Variants in GRIK4 observed in about 807,000 individuals in gnomAD.
The protein encoded by GRIK4 is glutamate receptor ionotropic, kainate 4.
A neutral mutation model predicts 104.9 loss-of-function variants in GRIK4; 40 were observed. The observed-to-expected ratio is 0.38, with a 90% CI of 0.30 to 0.50. The LOEUF (loss-of-function observed/expected upper bound fraction) is 0.50. Ranked by LOEUF, GRIK4 falls within the 20% of genes least tolerant of loss-of-function variation. The probability of loss-of-function intolerance (pLI) is 0.93; values close to 1 mark genes in which losing one functional copy is unlikely to be tolerated. For synonymous variants in GRIK4, 485 were observed against 524.9 expected (o/e 0.92, Z 1.04); for missense variants, 1,047 against 1,308.1 (o/e 0.80, Z 3.08).
chr11:120,619,902 A>C, intron 1 of GRIK4: 1 of 276,100 alleles, frequency 3.6e-6, no homozygotes, highest in Non-Finnish European at 6.8e-6. Flanking sequence ...TACTGAAAAG[A>C]GTTAACAGTG....
chr11:120,651,536 G>A (rs560748015), intron 1 of GRIK4, among the ~76,000 whole-genome samples: 2 of 152,290 alleles, frequency 1.3e-5, no homozygotes, highest in South Asian at 4.1e-4. Flanking sequence ...CTGTAGTCCT[G>A]TGGCCTGGTT....
At chr11:120,516,427 G>T (rs1196372789) in intron 1 of GRIK4, among the ~76,000 whole-genome samples, 1 of 152,114 alleles carries the variant, frequency 6.6e-6, no homozygotes, top group Middle Eastern at 3.2e-3. Flanking sequence ...ACAGGACGAG[G>T]CAAGTGGGAG....
intron 7 of GRIK4, among the ~76,000 whole-genome samples, chr11:120,833,350 C>G (rs1231902857): frequency 6.6e-6 from 1 of 152,080 alleles, no homozygotes; most frequent in African/African-American, 2.4e-5. Context: ...TCCTTTTCCT[C>G]TGTTTTCTCT....
At chr11:120,660,497 A>G in intron 3 of GRIK4, 97 bp downstream of exon 3, 1 of 908,616 alleles carries the variant, frequency 1.1e-6, no homozygotes, top group Non-Finnish European at 1.7e-6. Context: ...GAAGCTGCCC[A>G]GCCCGTGCAC....
At chr11:120,614,988 G>C (rs966348972) in intron 1 of GRIK4, among the ~76,000 whole-genome samples, 1 of 152,102 alleles carries the variant, frequency 6.6e-6, no homozygotes, top group Non-Finnish European at 1.5e-5. Context: ...AACAAAGCAA[G>C]ACTCAATCTC....
chr11:120,586,319 G>T (rs1948663181), intron 1 of GRIK4, among the ~76,000 whole-genome samples: 1 of 152,114 alleles, frequency 6.6e-6, no homozygotes, highest in African/African-American at 2.4e-5. Context: ...GAAGTGTAGG[G>T]TGATGAGGAA....
At chr11:120,968,647 G>A (rs1944424008) in intron 19 of GRIK4, among the ~76,000 whole-genome samples, 1 of 152,166 alleles carries the variant, frequency 6.6e-6, no homozygotes, top group African/African-American at 2.4e-5. Context: ...CAGAGGAACT[G>A]AGTGAGGCCA....
At position 120,672,768 on chromosome 11, in the gene GRIK4, T is replaced by C. The variant is rs4511288; in HGVS notation, c.82+12368T>C. ...TAGGAATGCTTGTGATTTTTGCACA[T>C]TGATTTTGTATCCTAAGACTTTGCT... On this transcript the variant is annotated intron_variant, in intron 3 of 20. Transcript: ENST00000527524. Among the ~76,000 whole-genome samples, 289 of 152,362 alleles carry C rather than the reference T, an allele frequency of 1.9e-3. 1 individual carries two copies. The highest frequency in any genetic ancestry group is 3.5e-3 in the Non-Finnish European group (241 of 68,032).
At chr11:120,894,202 C>A (rs1456956026) in intron 11 of GRIK4, 1 of 152,182 alleles carries the variant, frequency 6.6e-6, no homozygotes, top group African/African-American at 2.4e-5. Flanking sequence ...TGACACAGTA[C>A]CTTGCACATA....
Position 120,840,047 on chromosome 11 carries a change from C to T in GRIK4, c.744+3203C>T, listed in dbSNP as rs141121879. Among the ~76,000 whole-genome samples the T allele has an allele frequency of 2.5e-4, 38 of 152,294 alleles. No homozygotes were observed. In the East Asian group the frequency reaches 7.3e-3, roughly 29 times the overall value. ...ACTGAGCCAGAGAGAGCGGAGGCTG[C>T]TCGGGGGTCACACAGCCATCACAGG... On this transcript the variant is annotated intron_variant, in intron 8 of 20. Coordinates refer to ENST00000527524, the MANE Select transcript of GRIK4 (RefSeq NM_014619.5).
At chr11:120,582,432 A>T (rs1380484977) in intron 1 of GRIK4, among the ~76,000 whole-genome samples, 3 of 152,028 alleles carry the variant, frequency 2.0e-5, no homozygotes, top group Non-Finnish European at 4.4e-5. Context: ...ATAGTACCTG[A>T]TAGGTAGTTT....
intron 3 of GRIK4, among the ~76,000 whole-genome samples, chr11:120,737,290 G>C (rs1175066198): frequency 6.6e-6 from 1 of 152,136 alleles, no homozygotes; most frequent in East Asian, 1.9e-4. Flanking sequence ...AATTATTCTA[G>C]CTGATAAATG....
Position 120,902,031 on chromosome 11 carries a change from G to A in GRIK4, c.1273-3259G>A, listed in dbSNP as rs1236521383. Among the ~76,000 whole-genome samples the A allele has an allele frequency of 6.6e-6, 1 of 152,186 alleles. No homozygotes were observed. The highest frequency in any genetic ancestry group is 2.4e-5 in the African/African-American group (1 of 41,438). On this transcript the variant is annotated intron_variant, in intron 12 of 20. Transcript: ENST00000527524. This position sits in a 1 kb window ranked among gnomAD's most constrained non-coding sequence, Gnocchi z 4.5. Reference sequence around the variant, plus strand: ...CAATTCGATAGCTCTTACCAGGAATGACGATCTTAATTCAGTTCCCAGGTG... The same window carrying A: ...CAATTCGATAGCTCTTACCAGGAATAACGATCTTAATTCAGTTCCCAGGTG...
intron 1 of GRIK4, among the ~76,000 whole-genome samples, chr11:120,537,779 A>G (rs1361620353): frequency 6.6e-6 from 1 of 152,170 alleles, no homozygotes; most frequent in Non-Finnish European, 1.5e-5. Context: ...TCAGTAATGA[A>G]TGAGGGGATC....
At chr11:120,721,258 T>C (rs1950929725) in intron 3 of GRIK4, among the ~76,000 whole-genome samples, 1 of 152,114 alleles carries the variant, frequency 6.6e-6, no homozygotes, top group Admixed American at 6.5e-5. Context: ...CCTTAGACCA[T>C]AGAGGGAAAA....
At chr11:120,557,775 G>T (rs1019116562) in intron 1 of GRIK4, among the ~76,000 whole-genome samples, 1 of 152,158 alleles carries the variant, frequency 6.6e-6, no homozygotes, top group African/African-American at 2.4e-5. Context: ...CCAGCACTTT[G>T]GGAGGCCGAG....
chr11:120,874,274 T>A, intron 10 of GRIK4, 56 bp downstream of exon 10: 1 of 1,458,592 alleles, frequency 6.9e-7, no homozygotes, highest in Non-Finnish European at 9.4e-7. Context: ...GGTGGGACAC[T>A]TGGTTCAAGG....
At chr11:120,527,301 G>A (rs974797191) in intron 1 of GRIK4, among the ~76,000 whole-genome samples, 4 of 152,240 alleles carry the variant, frequency 2.6e-5, no homozygotes, top group Non-Finnish European at 5.9e-5. Context: ...CCCCAGGGTG[G>A]AGATGCTTCC....
Position 120,609,141 on chromosome 11 carries a change from C to T in GRIK4, c.-158-44544C>T, listed in dbSNP as rs145426027. 7.9e-4 allele frequency among the ~76,000 whole-genome samples: 121 copies of T among 152,328 alleles called. 2 individuals are homozygous for T. In the East Asian group the frequency reaches 0.02, roughly 25 times the overall value. On this transcript the variant is annotated intron_variant, in intron 1 of 20. Coordinates refer to ENST00000527524, the MANE Select transcript of GRIK4 (RefSeq NM_014619.5). ...AACCCTGCGTGCTCCCAGCGCCTCCCCTCCTGCTTCAGTTGGGCCTGTTTG... is the reference window on the plus strand; with the variant it reads ...AACCCTGCGTGCTCCCAGCGCCTCCTCTCCTGCTTCAGTTGGGCCTGTTTG...
Sources: gnomAD v4.1 joint callset for allele counts (sites outside exome capture counted in the v4.1 genomes callset) on GRCh38, gnomAD v4.1.1 for gene constraint, Gnocchi (gnomAD v3.1) non-coding constraint, MANE v1.5 for transcripts, NCBI Gene and HGNC (gene_info 2026-07-23, HGNC 2026-07-21) for gene names.